The following USP40 variants were observed in gnomAD, a reference collection of about 807,000 sequenced individuals.
The protein encoded by USP40 is ubiquitin specific peptidase 40.
USP40 carries 143 observed loss-of-function variants against 166.2 expected under a neutral mutation model. The ratio of observed to expected loss-of-function variants is 0.86; its 90% CI spans 0.75 to 0.99. USP40 has a LOEUF of 0.99. Ranked by LOEUF, USP40 falls within the 50% of genes least tolerant of loss-of-function variation. The pLI is 0.00. For missense variants in USP40, 1,444 were observed against 1,479.7 expected (o/e 0.98, Z 0.40); for synonymous variants, 498 against 524.0 (o/e 0.95, Z 0.68).
chr2:233,542,652 T>G (rs1035110568), intron 8 of USP40: 2 of 260,732 alleles, frequency 7.7e-6, no homozygotes, highest in Admixed American at 5.5e-5. Context: ...CACTCCAGCA[T>G]GGATGACACA....
rs1176750934 is a variant in USP40, at chr2:233,499,933, G to A, written c.2614-18C>T. ...TTTAAACACTGTAAAGAAAAACAAT[G>A]TCCAATGTTAGTTTTCTGTTTCTGA... On this transcript the variant is annotated intron_variant, in intron 21 of 31. Transcript: ENST00000678225. The A allele has an allele frequency of 6.2e-7, 1 of 1,609,096 alleles. No homozygotes were observed. The highest frequency in any genetic ancestry group is 1.3e-5 in the African/African-American group (1 of 74,840).
intron 3 of USP40, among the ~76,000 whole-genome samples, chr2:233,560,194 C>T (rs1427429021): frequency 1.3e-5 from 2 of 152,204 alleles, no homozygotes. Context: ...AACCACTCAA[C>T]TGATTACAGA....
At chr2:233,527,305 C>G in intron 13 of USP40, 102 bp downstream of exon 13, 1 of 1,316,066 alleles carries the variant, frequency 7.6e-7, no homozygotes, top group South Asian at 1.6e-5. Flanking sequence ...TCTTCCTAAG[C>G]AGCTTTGAAA....
At position 233,544,606 on chromosome 2, in the gene USP40, T is replaced by C. The variant is rs1033610853; in HGVS notation, c.967-2243A>G. Among the ~76,000 whole-genome samples, 4 of 152,164 alleles carry C rather than the reference T, an allele frequency of 2.6e-5. No homozygotes were observed. The South Asian group carries it at 6.2e-4, about 24-fold the overall frequency. ...AGGTTTGGTGGAAAGGGGCCCATTA[T>C]GAATAACAAAAGACACTCCTATCAC... is the stretch of plus-strand genomic sequence containing the variant. On this transcript the variant is annotated intron_variant, in intron 8 of 31. Coordinates refer to ENST00000678225, the MANE Select transcript of USP40 (RefSeq NM_001365479.2).
Position 233,512,556 on chromosome 2 carries a change from CA to C in USP40, c.2437+12del. Reference sequence around the variant, plus strand: ...GTATAAGCCACCTTTTGAAAGTTATCAAAAAGATTTACCTGGACAAAGAAGC... The same window carrying C: ...GTATAAGCCACCTTTTGAAAGTTATCAAAAGATTTACCTGGACAAAGAAGC... On this transcript the variant is annotated intron_variant, in intron 19 of 31. Coordinates refer to ENST00000678225, the MANE Select transcript of USP40 (RefSeq NM_001365479.2). The C allele has an allele frequency of 1.3e-6, 2 of 1,568,964 alleles. No individual in the cohort carries two copies. Among genetic ancestry groups the C allele is most frequent in the African/African-American group, 1.4e-5 (1 of 72,678 alleles).
At chr2:233,560,814 G>T in intron 3 of USP40, 1 of 495,410 alleles carries the variant, frequency 2.0e-6, no homozygotes, top group African/African-American at 1.9e-5. Flanking sequence ...TTTTTGTGTG[G>T]GGTGGAGAGG....
At chr2:233,499,805 C>A in intron 22 of USP40, 74 bp downstream of exon 22, 1 of 1,374,686 alleles carries the variant, frequency 7.3e-7, no homozygotes, top group Non-Finnish European at 1.0e-6. Context: ...TTTCCTACAA[C>A]CCTGGAGAAA....
At position 233,517,379 on chromosome 2, in the gene USP40, G is replaced by GTTTTTTTTT. The variant is rs202226925; in HGVS notation, c.2383+2234_2383+2235insAAAAAAAAA. ...CAAAAAAGATACTTGCACATGCATGGTTTTTTGTTTTTTTTTTTTTTTTGA... is the reference window on the plus strand; with the variant it reads ...CAAAAAAGATACTTGCACATGCATGGTTTTTTTTTTTTTTTGTTTTTTTTTTTTTTTTGA... On this transcript the variant is annotated intron_variant, in intron 18 of 31. Coordinates refer to ENST00000678225, the MANE Select transcript of USP40 (RefSeq NM_001365479.2). 1.7e-3 allele frequency among the ~76,000 whole-genome samples: 240 copies of GTTTTTTTTT among 137,160 alleles called. 13 individuals carry two copies. The highest frequency in any genetic ancestry group is 2.1e-3 in the Non-Finnish European group (138 of 64,748). The allele number at this position is 137,160 out of a possible 152,430, so 90.0% of individuals were successfully genotyped here. A position where few individuals can be genotyped will look rare whatever the true frequency, so the allele number is the denominator to read the frequency against.
intron 23 of USP40, 36 bp from the exon 24 acceptor site, chr2:233,496,868 C>T (rs1575236581): frequency 6.5e-7 from 1 of 1,536,208 alleles, no homozygotes; most frequent in Non-Finnish European, 9.0e-7. Context: ...TCACTTATGA[C>T]TTCTGAAAGG....
chr2:233,563,557 T>C (rs1235210378), intron 2 of USP40, among the ~76,000 whole-genome samples: 2 of 152,142 alleles, frequency 1.3e-5, no homozygotes, highest in Admixed American at 6.5e-5. Flanking sequence ...TCGGCAAAAA[T>C]GAACTACAAA....
At position 233,481,314 on chromosome 2, in the gene USP40, G is replaced by A. The variant is rs1196971155; in HGVS notation, c.3505-17C>T. ...CAGGAGATTCTACATTTCAAAAGAA[G>A]TAATGAGCAGTGTTTTCTGACATCT... On this transcript the variant is annotated splice_polypyrimidine_tract_variant and intron_variant, in intron 30 of 31. Coordinates refer to ENST00000678225, the MANE Select transcript of USP40 (RefSeq NM_001365479.2). The A allele has an allele frequency of 1.9e-6, 3 of 1,573,632 alleles. No individual in the cohort carries two copies. The African/African-American group carries it at 4.0e-5, about 21-fold the overall frequency.
chr2:233,538,993 C>T (rs1000798578), intron 10 of USP40, among the ~76,000 whole-genome samples: 9 of 152,112 alleles, frequency 5.9e-5, no homozygotes, highest in Non-Finnish European at 8.8e-5. Context: ...TGTGCTCCTA[C>T]GCTTCAGTCT....
At chr2:233,515,093 T>G (rs2067095348) in intron 18 of USP40, among the ~76,000 whole-genome samples, 1 of 152,228 alleles carries the variant, frequency 6.6e-6, no homozygotes, top group African/African-American at 2.4e-5. Context: ...TAGCAGTGCC[T>G]TGCTCTTCAG....
At chr2:233,559,741 A>G in intron 4 of USP40, 70 bp downstream of exon 4, 2 of 1,073,976 alleles carry the variant, frequency 1.9e-6, no homozygotes, top group Non-Finnish European at 2.7e-6. Context: ...AGGAAGTTAG[A>G]TAACATTAAA....
chr2:233,516,678 A>G (rs2067220116), intron 18 of USP40, among the ~76,000 whole-genome samples: 1 of 146,752 alleles, frequency 6.8e-6, no homozygotes, highest in African/African-American at 2.5e-5. Flanking sequence ...ACAGAGCGAG[A>G]CTCCATCTCA....
intron 13 of USP40, 87 bp from the exon 14 acceptor site, chr2:233,525,649 G>T: frequency 1.0e-6 from 1 of 955,514 alleles, no homozygotes; most frequent in Non-Finnish European, 1.6e-6. Flanking sequence ...ACTCACATAT[G>T]AAGATGACAC....
At chr2:233,483,679 A>C (rs1334617834) in intron 30 of USP40, among the ~76,000 whole-genome samples, 1 of 152,152 alleles carries the variant, frequency 6.6e-6, no homozygotes, top group Non-Finnish European at 1.5e-5. Flanking sequence ...TAATCCAGAA[A>C]TCCGAAACTC....
chr2:233,515,791 T>C (rs1040115037), intron 18 of USP40, among the ~76,000 whole-genome samples: 2 of 152,246 alleles, frequency 1.3e-5, no homozygotes, highest in African/African-American at 4.8e-5. Flanking sequence ...TTTCCTCATA[T>C]GTTTTCTCCC....
At chr2:233,522,875 C>T (rs2067753064) in intron 16 of USP40, among the ~76,000 whole-genome samples, 1 of 152,176 alleles carries the variant, frequency 6.6e-6, no homozygotes, top group Non-Finnish European at 1.5e-5. Context: ...AATCAGAATT[C>T]ACTTGATAAC....
Sources: gnomAD v4.1 joint callset for allele counts (sites outside exome capture counted in the v4.1 genomes callset) on GRCh38, gnomAD v4.1.1 for gene constraint, MANE v1.5 for transcripts, NCBI Gene and HGNC (gene_info 2026-07-23, HGNC 2026-07-21) for gene names.